Variants in PTN observed in about 807,000 individuals in gnomAD.
PTN encodes heparin affin regulatory protein.
A neutral mutation model predicts 24.1 loss-of-function variants in PTN; 18 were observed. The observed-to-expected ratio is 0.75, with a 90% CI of 0.52 to 1.11. The LOEUF (loss-of-function observed/expected upper bound fraction) is 1.11. PTN is among the 50% of genes least tolerant of loss of function. The pLI is 0.00. For missense variants in PTN, 163 were observed against 198.8 expected (o/e 0.82, Z 1.08); for synonymous variants, 78 against 68.6 (o/e 1.14, Z -0.67).
At chr7:137,246,305 T>G (rs1808722603) in intron 4 of PTN, among the ~76,000 whole-genome samples, 1 of 152,224 alleles carries the variant, frequency 6.6e-6, no homozygotes, top group Non-Finnish European at 1.5e-5. Context: ...CTGTATAGAT[T>G]TGCAGCCTAG....
chr7:137,254,076 G>A (rs1408381494), intron 2 of PTN, among the ~76,000 whole-genome samples: 1 of 152,116 alleles, frequency 6.6e-6, no homozygotes, highest in South Asian at 2.1e-4. Flanking sequence ...GAAGCAGGCA[G>A]ATCACAAGGT....
chr7:137,292,554 C>T (rs1809655187), intron 1 of PTN, among the ~76,000 whole-genome samples: 1 of 152,158 alleles, frequency 6.6e-6, no homozygotes, highest in Non-Finnish European at 1.5e-5. Flanking sequence ...CCTCTCCAGC[C>T]ATGTGGAACT....
At chr7:137,284,128 C>T (rs1312713834) in intron 1 of PTN, among the ~76,000 whole-genome samples, 2 of 151,458 alleles carry the variant, frequency 1.3e-5, no homozygotes, top group Admixed American at 6.6e-5. Context: ...CCACCACTCC[C>T]GGCTAATTTT....
chr7:137,267,390 C>G (rs562467096), intron 1 of PTN, among the ~76,000 whole-genome samples: 1 of 152,016 alleles, frequency 6.6e-6, no homozygotes, highest in East Asian at 1.9e-4. Flanking sequence ...GTTCTCTTAA[C>G]TACTGTTGGG....
chr7:137,251,545 T>C lies in PTN; in HGVS notation c.290-154A>G, dbSNP rs112606718. ...ATAATACAGAGTGTATGCGTGTGTA[T>C]TGATTTCTGTTCAATTCTATCACAT... On this transcript the variant is annotated intron_variant, in intron 3 of 4. Coordinates refer to ENST00000348225, the MANE Select transcript of PTN (RefSeq NM_002825.7). Among the ~76,000 whole-genome samples the C allele has an allele frequency of 4.5e-3, 679 of 152,336 alleles. 5 individuals carry two copies. The highest frequency in any genetic ancestry group is 6.2e-3 in the Non-Finnish European group (422 of 68,030).
intron 1 of PTN, among the ~76,000 whole-genome samples, chr7:137,309,958 G>A (rs776177814): frequency 1.6e-4 from 25 of 152,102 alleles, no homozygotes; most frequent in Non-Finnish European, 2.5e-4. Context: ...CTTTCCAGAA[G>A]GTTTTAAATT....
chr7:137,285,827 C>T (rs972552534), intron 1 of PTN, among the ~76,000 whole-genome samples: 1 of 152,190 alleles, frequency 6.6e-6, no homozygotes, highest in Non-Finnish European at 1.5e-5. Flanking sequence ...CAGTAAAGTG[C>T]CTAGGCACAT....
At chr7:137,269,566 T>G (rs2128874158) in intron 1 of PTN, among the ~76,000 whole-genome samples, 1 of 152,158 alleles carries the variant, frequency 6.6e-6, no homozygotes, top group African/African-American at 2.4e-5. Flanking sequence ...TATCCTGATT[T>G]TTGCTTTAAA....
chr7:137,341,461 A>T (rs1223939851), intron 1 of PTN, among the ~76,000 whole-genome samples: 1 of 152,144 alleles, frequency 6.6e-6, no homozygotes, highest in Non-Finnish European at 1.5e-5. Context: ...GTCTAAAAAA[A>T]CAGAGAATTA....
At chr7:137,327,288 C>G (rs1028972140) in intron 1 of PTN, among the ~76,000 whole-genome samples, 18 of 152,286 alleles carry the variant, frequency 1.2e-4, no homozygotes, top group Non-Finnish European at 2.2e-4. Flanking sequence ...TACAATCTAA[C>G]TTGATATAAT....
chr7:137,233,178 G>A (rs1254395554), intron 4 of PTN, among the ~76,000 whole-genome samples: 1 of 151,844 alleles, frequency 6.6e-6, no homozygotes, highest in African/African-American at 2.4e-5. Context: ...TGACACCATG[G>A]CCTTTAGGTA....
At chr7:137,295,554 A>G (rs1809706280) in intron 1 of PTN, among the ~76,000 whole-genome samples, 1 of 152,118 alleles carries the variant, frequency 6.6e-6, no homozygotes, top group African/African-American at 2.4e-5. Context: ...TAAAATACAC[A>G]CTGAATTTCA....
At chr7:137,234,861 TAA>T (rs765972134) in intron 4 of PTN, among the ~76,000 whole-genome samples, 32 of 152,208 alleles carry the variant, frequency 2.1e-4, no homozygotes, top group Non-Finnish European at 4.1e-4. Flanking sequence ...AGATTTTAAC[TAA>T]AGTGACTCAG....
chr7:137,316,915 C>A (rs1810082559), intron 1 of PTN, among the ~76,000 whole-genome samples: 1 of 152,178 alleles, frequency 6.6e-6, no homozygotes, highest in African/African-American at 2.4e-5. Context: ...AGCCACCCCT[C>A]GGTGCTGGAG....
chr7:137,305,988 C>T (rs1395702072), intron 1 of PTN, among the ~76,000 whole-genome samples: 1 of 152,066 alleles, frequency 6.6e-6, no homozygotes, highest in Non-Finnish European at 1.5e-5. Flanking sequence ...GCTTCCTTAC[C>T]TCCTCCCCTT....
At chr7:137,333,936 T>C (rs1437711990) in intron 1 of PTN, among the ~76,000 whole-genome samples, 3 of 152,062 alleles carry the variant, frequency 2.0e-5, no homozygotes, top group Non-Finnish European at 4.4e-5. Context: ...AAACAAGCAA[T>C]GGGGAAAGGA....
At chr7:137,240,976 G>A (rs1180251198) in intron 4 of PTN, among the ~76,000 whole-genome samples, 3 of 152,190 alleles carry the variant, frequency 2.0e-5, no homozygotes, top group Non-Finnish European at 4.4e-5. Context: ...ATAAACAAAA[G>A]AGGTTTAATT....
At chr7:137,259,273 G>C (rs150610006) in intron 1 of PTN, among the ~76,000 whole-genome samples, 1 of 152,172 alleles carries the variant, frequency 6.6e-6, no homozygotes, top group Admixed American at 6.6e-5. Context: ...GAATTTTCAA[G>C]ATGGTAATAT....
At chr7:137,228,826 T>C (rs185454901) in intron 4 of PTN, among the ~76,000 whole-genome samples, 671 of 151,956 alleles carry the variant, frequency 4.4e-3, no homozygotes, top group South Asian at 0.026. Flanking sequence ...ATAGAACACA[T>C]CTAATTTGGC....
Sources: gnomAD v4.1 joint callset for allele counts (sites outside exome capture counted in the v4.1 genomes callset) on GRCh38, gnomAD v4.1.1 for gene constraint, MANE v1.5 for transcripts, NCBI Gene and HGNC (gene_info 2026-07-23, HGNC 2026-07-21) for gene names.